The following PLEKHA6 variants were observed in gnomAD, a reference collection of about 807,000 sequenced individuals.
The protein encoded by PLEKHA6 is pleckstrin homology domain-containing family A member 6.
A neutral mutation model predicts 116.7 loss-of-function variants in PLEKHA6; 60 were observed. The ratio of observed to expected loss-of-function variants is 0.51; its 90% CI spans 0.42 to 0.64. The LOEUF (loss-of-function observed/expected upper bound fraction) is 0.64, where lower values mean the gene tolerates loss of function less well. Ranked by LOEUF, PLEKHA6 falls within the 30% of genes least tolerant of loss-of-function variation. The pLI is 0.00. For synonymous variants in PLEKHA6, 489 were observed against 556.1 expected (o/e 0.88, Z 1.70); for missense variants, 1,338 against 1,422.7 (o/e 0.94, Z 0.96).
Position 204,228,147 on chromosome 1 carries a change from C to T in PLEKHA6, c.2967G>A (p.Glu989=). 1 of 1,613,528 alleles carries T rather than the reference C, an allele frequency of 6.2e-7. No homozygotes were observed. The change falls in exon 21 of 23, where the codon GAG becomes GAA. Residue 989 remains glutamate (E), a synonymous_variant. Transcript: ENST00000272203. This position sits in a 1 kb window ranked among gnomAD's most constrained non-coding sequence, Gnocchi z 4.0. The part of the protein sequence containing the change: ...QDSESQLQEQ[E]KRIEISCALA... ...GGGCGCAGGAGATTTCAATCCGCTTCTCCTGCTCCTGCAGCTGGCTCTCTG... is the reference window on the plus strand; with the variant it reads ...GGGCGCAGGAGATTTCAATCCGCTTTTCCTGCTCCTGCAGCTGGCTCTCTG...
At chr1:204,253,826 C>G (rs1225271745) in intron 9 of PLEKHA6, among the ~76,000 whole-genome samples, 8 of 113,912 alleles carry the variant, frequency 7.0e-5, no homozygotes, top group African/African-American at 2.7e-4. Flanking sequence ...AGAGTGAGAT[C>G]TTGTCTCAAA....
intron 1 of PLEKHA6, among the ~76,000 whole-genome samples, chr1:204,285,503 T>G (rs748446194): frequency 2.6e-5 from 4 of 151,126 alleles, no homozygotes; most frequent in Admixed American, 6.6e-5. Context: ...TGAGACACGT[T>G]CTTGTTCTGT....
At chr1:204,350,641 T>C (rs1039871648) in intron 1 of PLEKHA6, among the ~76,000 whole-genome samples, 9 of 152,008 alleles carry the variant, frequency 5.9e-5, no homozygotes, top group African/African-American at 2.2e-4. Flanking sequence ...AGGTCCAAGT[T>C]CTCTCCATTT....
intron 1 of PLEKHA6, among the ~76,000 whole-genome samples, chr1:204,373,596 G>T (rs986646253): frequency 6.6e-6 from 1 of 152,160 alleles, no homozygotes; most frequent in Non-Finnish European, 1.5e-5. Flanking sequence ...GTATTCCATT[G>T]TAGGAAACAC....
intron 17 of PLEKHA6, among the ~76,000 whole-genome samples, chr1:204,236,739 G>C (rs1455039703): frequency 1.3e-5 from 2 of 152,078 alleles, no homozygotes; most frequent in African/African-American, 4.8e-5. Context: ...AGTGAAATTG[G>C]TAGGAAGCCT....
At chr1:204,364,160 ATT>A (rs1240445025), upstream of PLEKHA6, among the ~76,000 whole-genome samples, 1 of 152,224 alleles carries the variant, frequency 6.6e-6, no homozygotes, top group Non-Finnish European at 1.5e-5. Flanking sequence ...TCTGGCTCTT[ATT>A]ATTACTTGGA....
At chr1:204,348,996 A>C (rs554397115) in intron 1 of PLEKHA6, among the ~76,000 whole-genome samples, 5 of 152,138 alleles carry the variant, frequency 3.3e-5, no homozygotes, top group Non-Finnish European at 7.4e-5. Context: ...GCTTCAGCCC[A>C]CGCAGCTAGC....
At chr1:204,346,427 G>A (rs1484835448) in intron 1 of PLEKHA6, among the ~76,000 whole-genome samples, 3 of 151,314 alleles carry the variant, frequency 2.0e-5, no homozygotes, top group East Asian at 2.0e-4. Flanking sequence ...GTGGCCAGCC[G>A]GGCAGCTCTG....
intron 1 of PLEKHA6, chr1:204,301,039 C>G (rs1294339607): frequency 6.4e-6 from 1 of 155,662 alleles, no homozygotes; most frequent in Non-Finnish European, 1.4e-5. Flanking sequence ...ATGTGACGCT[C>G]TCAGTCTGGC....
In PLEKHA6 at chr1:204,280,026, C is replaced by T. The variant is rs146304588; in HGVS notation, c.-94-5217G>A. Reference sequence around the variant, plus strand: ...AAAATGAAAAATACTTAGTCCCAGGCTTAAGAAGATCGTGTATGGGGCACA... The same window carrying T: ...AAAATGAAAAATACTTAGTCCCAGGTTTAAGAAGATCGTGTATGGGGCACA... On this transcript the variant is annotated intron_variant, in intron 1 of 22. Coordinates refer to ENST00000272203, the MANE Select transcript of PLEKHA6 (RefSeq NM_014935.5). Among the ~76,000 whole-genome samples the T allele has an allele frequency of 7.5e-3, 1,144 of 152,258 alleles. 10 individuals are homozygous for T. The highest frequency in any genetic ancestry group is 0.026 in the African/African-American group (1,067 of 41,534).
chr1:204,241,567 C>T (rs575362223), intron 16 of PLEKHA6, 86 bp from the exon 17 acceptor site: 2 of 1,407,260 alleles, frequency 1.4e-6, no homozygotes, highest in African/African-American at 2.9e-5. Context: ...CAGCCCCACT[C>T]TCCACCGAGA....
intron 1 of PLEKHA6, among the ~76,000 whole-genome samples, chr1:204,327,459 G>A (rs756262392): frequency 4.6e-5 from 7 of 152,234 alleles, no homozygotes; most frequent in South Asian, 2.1e-4. Context: ...TGATGCCGAC[G>A]GGCCCCTTCT....
chr1:204,328,775 G>C (rs1289291407), intron 1 of PLEKHA6, among the ~76,000 whole-genome samples: 1 of 152,198 alleles, frequency 6.6e-6, no homozygotes, highest in Non-Finnish European at 1.5e-5. Flanking sequence ...GCTATGAGTA[G>C]ATGATTTCAA....
At chr1:204,275,754 G>C in intron 1 of PLEKHA6, 2 of 981,124 alleles carry the variant, frequency 2.0e-6, no homozygotes, top group Non-Finnish European at 2.4e-6. Flanking sequence ...CCAGTAAGCG[G>C]TGACTACTTG....
At chr1:204,247,049 T>C (rs1464441069) in intron 13 of PLEKHA6, among the ~76,000 whole-genome samples, 1 of 152,080 alleles carries the variant, frequency 6.6e-6, no homozygotes, top group Non-Finnish European at 1.5e-5. Context: ...GGTGGGAGGA[T>C]TGCTTGAGCC....
intron 1 of PLEKHA6, among the ~76,000 whole-genome samples, chr1:204,356,442 C>T (rs1244729695): frequency 6.6e-6 from 1 of 152,048 alleles, no homozygotes; most frequent in African/African-American, 2.4e-5. Flanking sequence ...TGACATGCAC[C>T]TGTAGACCCA....
At chr1:204,310,713 G>A (rs1296609986) in intron 1 of PLEKHA6, among the ~76,000 whole-genome samples, 1 of 152,184 alleles carries the variant, frequency 6.6e-6, no homozygotes, top group Non-Finnish European at 1.5e-5. Flanking sequence ...ATAGTTGCTT[G>A]ATTGCCAATC....
In PLEKHA6 at chr1:204,228,892, C is replaced by T. The variant is rs766894501; in HGVS notation, c.2752-31G>A. On this transcript the variant is annotated intron_variant, in intron 19 of 22. Coordinates refer to ENST00000272203, the MANE Select transcript of PLEKHA6 (RefSeq NM_014935.5). This position sits in a 1 kb window ranked among gnomAD's most constrained non-coding sequence, Gnocchi z 4.0. ...GAGGGGCTGGGGTCACCACCTCTGT[C>T]CCTTCCCAGAGTCTCCCACTACAGC... The T allele has an allele frequency of 1.7e-5, 28 of 1,613,942 alleles. No individual in the cohort carries two copies. The highest frequency in any genetic ancestry group is 5.3e-5 in the African/African-American group (4 of 74,878).
chr1:204,226,153 G>A (rs890383067), intron 21 of PLEKHA6, among the ~76,000 whole-genome samples: 1 of 152,236 alleles, frequency 6.6e-6, no homozygotes, highest in African/African-American at 2.4e-5. Context: ...GTCTTGCTGT[G>A]CCTGGCAGAG....
Sources: gnomAD v4.1 joint callset for allele counts (sites outside exome capture counted in the v4.1 genomes callset) on GRCh38, gnomAD v4.1.1 for gene constraint, Gnocchi (gnomAD v3.1) non-coding constraint, MANE v1.5 for transcripts, NCBI Gene and HGNC (gene_info 2026-07-23, HGNC 2026-07-21) for gene names.